TBC1D2B: variants seen among roughly 807,000 people sequenced by gnomAD.
TBC1D2B encodes TBC1 domain family, member 2B.
Under a neutral mutation model 100.8 loss-of-function variants are expected in TBC1D2B, and 64 were observed. That is an observed-to-expected ratio of 0.64 (90% CI 0.52 to 0.78). The LOEUF (loss-of-function observed/expected upper bound fraction) is 0.78, where lower values mean the gene tolerates loss of function less well. Among genes scored for constraint, TBC1D2B ranks in the 30% least tolerant of loss-of-function variants. The pLI, the probability that TBC1D2B is intolerant of heterozygous loss-of-function variation, is 0.00. For synonymous variants in TBC1D2B, 480 were observed against 479.7 expected (o/e 1.00, Z -0.01); for missense variants, 1,052 against 1,218.4 (o/e 0.86, Z 2.03).
In TBC1D2B at chr15:78,060,474, C is replaced by CA. The variant is rs33986857; in HGVS notation, c.361-6288dup. Among the ~76,000 whole-genome samples the CA allele has an allele frequency of 6.3e-4, 85 of 134,764 alleles. 1 individual carries two copies. The highest frequency in any genetic ancestry group is 7.4e-3 in the Middle Eastern group (2 of 270). 88.4% of individuals were successfully genotyped at this position (134,764 alleles called of 152,430 possible). ...GCAACATGGTGAAACCACATCACTA[C>CA]AAAAAAAAAAAAAAAAAATTAGCCA... On this transcript the variant is annotated intron_variant, in intron 1 of 12. Transcript: ENST00000300584.
chr15:78,009,475 G>A (rs1283959773), intron 9 of TBC1D2B, among the ~76,000 whole-genome samples: 1 of 151,866 alleles, frequency 6.6e-6, no homozygotes, highest in Non-Finnish European at 1.5e-5. Context: ...AGGAGGTGGA[G>A]GCTACAGTGA....
chr15:78,067,515 C>T (rs1380126586), intron 1 of TBC1D2B, among the ~76,000 whole-genome samples: 1 of 152,220 alleles, frequency 6.6e-6, no homozygotes, highest in Admixed American at 6.5e-5. Context: ...GGGCTTGCTG[C>T]CTAGAAATAA....
intron 6 of TBC1D2B, among the ~76,000 whole-genome samples, chr15:78,022,366 AT>A (rs1285800346): frequency 2.0e-5 from 3 of 152,232 alleles, no homozygotes; most frequent in South Asian, 2.1e-4. Context: ...CTCAAAAAAA[AT>A]AAATACATAA....
intron 12 of TBC1D2B, among the ~76,000 whole-genome samples, chr15:77,999,794 G>A (rs2071863563): frequency 6.6e-6 from 1 of 152,200 alleles, no homozygotes; most frequent in Admixed American, 6.5e-5. Flanking sequence ...GCTGGCACCC[G>A]GGACGCCAGA....
chr15:78,021,976 C>T lies in TBC1D2B; in HGVS notation c.1470+2180G>A, dbSNP rs749605490. On this transcript the variant is annotated intron_variant, in intron 6 of 12. Transcript: ENST00000300584. ...CGGGAAAACCTGCTCCACACGTCTC[C>T]CCCACTGCCAAGTGTCACGCACGCC... Among the ~76,000 whole-genome samples, 43 of 152,302 alleles carry T rather than the reference C, an allele frequency of 2.8e-4. 1 individual carries two copies. The highest frequency in any genetic ancestry group is 5.0e-4 in the Non-Finnish European group (34 of 68,026).
intron 3 of TBC1D2B, among the ~76,000 whole-genome samples, chr15:78,040,977 T>A (rs1196767849): frequency 6.6e-6 from 1 of 152,206 alleles, no homozygotes; most frequent in Non-Finnish European, 1.5e-5. Flanking sequence ...TTCTCTGTTA[T>A]CTTTCTTGGG....
chr15:78,042,656 T>C (rs1169290715), intron 3 of TBC1D2B, among the ~76,000 whole-genome samples: 2 of 152,110 alleles, frequency 1.3e-5, no homozygotes, highest in Non-Finnish European at 2.9e-5. Flanking sequence ...GGGAGATGAC[T>C]GGACTTAATC....
Position 78,009,013 on chromosome 15 carries a change from G to A in TBC1D2B, c.2372C>T (p.Thr791Ile). The stretch of plus-strand genomic sequence containing the variant: ...CAGAACTACCTGGGATCCTAAAAGA[G>A]TCTTTGTATAATAGTCTCGAGGCAT... ...VFMPRDYYTK[T>I]LLGSQVDQRV... is the part of the protein sequence containing the mutation. The change falls in exon 10 of 13, where the codon ACT becomes ATT. Residue 791 changes from threonine (T) to isoleucine (I), a missense_variant. Thr to Ile is a moderately conservative substitution (Grantham distance 89). Transcript: ENST00000300584. 6.3e-7 allele frequency: 1 copy of A among 1,596,018 alleles called. No homozygotes were observed.
At chr15:78,075,025 G>A (rs1229278941) in intron 1 of TBC1D2B, among the ~76,000 whole-genome samples, 2 of 152,046 alleles carry the variant, frequency 1.3e-5, no homozygotes, top group Non-Finnish European at 2.9e-5. Context: ...CACCTAATGA[G>A]GAAGGTATGA....
In TBC1D2B at chr15:78,030,143, C is replaced by T. The variant is rs201972217; in HGVS notation, c.711G>A (p.Gly237=). The change falls in exon 4 of 13, where the codon GGG becomes GGA. Residue 237 remains glycine, a synonymous_variant. Transcript: ENST00000300584. ...LKNSMSSFRP[G]RGHNDSRRTV... ...TCCTCCGACTATCATTATGTCCTCT[C>T]CCAGGACGGAAAGAAGACATCGAAT... 23 of 1,611,212 alleles carry T rather than the reference C, an allele frequency of 1.4e-5. No homozygotes were observed.
chr15:78,036,750 T>C (rs909934674), intron 3 of TBC1D2B, among the ~76,000 whole-genome samples: 3 of 152,258 alleles, frequency 2.0e-5, no homozygotes, highest in African/African-American at 7.2e-5. Flanking sequence ...ACCAGTGTTA[T>C]GGTCACTTGT....
Position 78,030,078 on chromosome 15 carries a change from G to A in TBC1D2B, c.776C>T (p.Pro259Leu). ...GGACTCCTCTAGGTCCTTAGGGGTT[G>A]GGTCTAAAAGTTCCCACTCTTCATT... ...YTNEEWELLD[P>L]TPKDLEESIV... is the part of the protein sequence containing the mutation. Residue 259 changes from proline (P) to leucine (L), a missense_variant, in exon 4 of 13, where the codon CCA becomes CTA. By Grantham distance (98) the Pro-to-Leu change is moderately conservative (BLOSUM62 -3). Transcript: ENST00000300584. 1 of 1,613,754 alleles carries A rather than the reference G, an allele frequency of 6.2e-7. No individual in the cohort carries two copies. Among genetic ancestry groups the A allele is most frequent in the South Asian group, 1.1e-5 (1 of 91,078 alleles).
chr15:78,016,823 C>T, intron 7 of TBC1D2B, 84 bp from the exon 8 acceptor site: 1 of 1,165,278 alleles, frequency 8.6e-7, no homozygotes, highest in Non-Finnish European at 1.2e-6. Context: ...CAGTGAACAA[C>T]AAACCCAAAA....
intron 2 of TBC1D2B, among the ~76,000 whole-genome samples, chr15:78,050,266 T>G (rs1055118412): frequency 6.6e-6 from 1 of 152,310 alleles, no homozygotes; most frequent in East Asian, 1.9e-4. Flanking sequence ...ATGCAGCTGC[T>G]TCAGGGGAGG....
At chr15:78,064,487 C>A (rs150922923) in intron 1 of TBC1D2B, among the ~76,000 whole-genome samples, 2 of 152,152 alleles carry the variant, frequency 1.3e-5, no homozygotes, top group African/African-American at 4.8e-5. Context: ...GAAAAGAATG[C>A]GATGGCTGCT....
intron 9 of TBC1D2B, among the ~76,000 whole-genome samples, chr15:78,011,158 A>G (rs1596308690): frequency 6.6e-6 from 1 of 152,112 alleles, no homozygotes; most frequent in Non-Finnish European, 1.5e-5. Flanking sequence ...AGTCCCTTTC[A>G]CCTTCTGAGG....
At chr15:78,039,874 C>T (rs1229863904) in intron 3 of TBC1D2B, among the ~76,000 whole-genome samples, 2 of 152,048 alleles carry the variant, frequency 1.3e-5, no homozygotes, top group Non-Finnish European at 2.9e-5. Flanking sequence ...ACTGGGATTC[C>T]AAAACCTGGG....
In TBC1D2B at chr15:78,025,340, C is replaced by G; in HGVS notation, c.1005G>C (p.Lys335Asn). Residue 335 changes from lysine (K) to asparagine (N), a missense_variant, in exon 5 of 13, where the codon AAG (lysine) becomes AAC (asparagine). This residue lies in a region of TBC1D2B where 627 missense variants were observed against 646.1 expected (regional missense o/e 0.97). Coordinates refer to ENST00000300584, the MANE Select transcript of TBC1D2B (RefSeq NM_144572.2). ...CCTGCAGTTGCATTTCGGAGGCCGG[C>G]TTCCTGATGCTGACGCTGCCACTGC... ...TSGSGSVSIR[K>N]PASEMQLQVQ... The G allele has an allele frequency of 6.2e-7, 1 of 1,613,942 alleles. No homozygotes were observed. The highest frequency in any genetic ancestry group is 1.1e-5 in the South Asian group (1 of 91,074).
chr15:77,998,406 G>A, intron 12 of TBC1D2B, 51 bp from the exon 13 acceptor site: 1 of 1,492,976 alleles, frequency 6.7e-7, no homozygotes, highest in East Asian at 2.5e-5. Flanking sequence ...TCCAGAGAGT[G>A]CTCACACACA....
Sources: gnomAD v4.1 joint callset for allele counts (sites outside exome capture counted in the v4.1 genomes callset) on GRCh38, gnomAD v4.1.1 for gene constraint, gnomAD v4.1.1 regional missense constraint, MANE v1.5 for transcripts, NCBI Gene and HGNC (gene_info 2026-07-23, HGNC 2026-07-21) for gene names.